The following VTA1 variants were observed in gnomAD, a reference collection of about 807,000 sequenced individuals.
VTA1 encodes the protein vesicle trafficking 1.
In VTA1, 24 loss-of-function variants were observed where a neutral mutation model predicts 36.9. That is an observed-to-expected ratio of 0.65 (90% CI 0.47 to 0.91). The LOEUF (loss-of-function observed/expected upper bound fraction) is 0.91. Among genes scored for constraint, VTA1 ranks in the 40% least tolerant of loss-of-function variants. VTA1 has a pLI of 0.00. For missense variants in VTA1, 393 were observed against 377.2 expected, an observed-to-expected ratio of 1.04 and a Z score of -0.35; for synonymous variants, 142 against 130.2, an observed-to-expected ratio of 1.09 and a Z score of -0.62.
chr6:142,150,130 A>T (rs1473429611), intron 1 of VTA1, among the ~76,000 whole-genome samples: 1 of 151,986 alleles, frequency 6.6e-6, no homozygotes, highest in Non-Finnish European at 1.5e-5. Flanking sequence ...GTTTCTTGTT[A>T]CTGATATTTT....
chr6:142,200,287 T>C (rs1464141488), intron 6 of VTA1, among the ~76,000 whole-genome samples: 2 of 152,168 alleles, frequency 1.3e-5, no homozygotes, highest in African/African-American at 4.8e-5. Flanking sequence ...CAGATTAGCC[T>C]CCTTTCCCTC....
intron 4 of VTA1, among the ~76,000 whole-genome samples, chr6:142,181,092 A>ATATATATATATATATATATATATATAT (rs1201647610): frequency 2.4e-5 from 1 of 41,910 alleles, no homozygotes. Flanking sequence ...AAAAAAAAAA[A>ATATATATATATATATATATATATATAT]AAATATATAT....
chr6:142,208,358 C>T (rs1206325566), intron 7 of VTA1, among the ~76,000 whole-genome samples: 1 of 151,728 alleles, frequency 6.6e-6, no homozygotes, highest in South Asian at 2.1e-4. Context: ...AATCAGTGAG[C>T]TCAAAGACCA....
rs10545343 is a variant in VTA1, at chr6:142,181,455, T to TTA, written c.412-7953_412-7952dup. Among the ~76,000 whole-genome samples the TTA allele has an allele frequency of 7.5e-3, 1,080 of 143,644 alleles. 10 individuals are homozygous for TTA. The highest frequency in any genetic ancestry group is 0.019 in the African/African-American group (744 of 39,638). The allele number at this position is 143,644 out of a possible 152,430, so 94.2% of individuals were successfully genotyped here. A position where few individuals can be genotyped will look rare whatever the true frequency, so the allele number is the denominator to read the frequency against. On this transcript the variant is annotated intron_variant, in intron 4 of 7. Transcript: ENST00000367630. ...GCCTGACACACACACTTTTTATATTTTATATATATATATATATATGTATAT... is the reference window on the plus strand; with the variant it reads ...GCCTGACACACACACTTTTTATATTTTATATATATATATATATATATGTATAT...
rs11967488 is a variant in VTA1, at chr6:142,184,376, C to T, written c.412-5050C>T. On this transcript the variant is annotated intron_variant, in intron 4 of 7. Transcript: ENST00000367630. ...CTCTAAAATGATAAGATTATAGAATCCCAAGAAAGAAGGATGAAGAAATAG... is the reference window on the plus strand; with the variant it reads ...CTCTAAAATGATAAGATTATAGAATTCCAAGAAAGAAGGATGAAGAAATAG... Among the ~76,000 whole-genome samples, 310 of 152,148 alleles carry T rather than the reference C, an allele frequency of 2.0e-3. 1 individual carries two copies. Among genetic ancestry groups the T allele is most frequent in the African/African-American group, 6.9e-3 (288 of 41,538 alleles).
At chr6:142,199,769 T>C (rs373465742) in intron 6 of VTA1, among the ~76,000 whole-genome samples, 10 of 152,302 alleles carry the variant, frequency 6.6e-5, no homozygotes, top group African/African-American at 2.4e-4. Flanking sequence ...GATCTTTTTT[T>C]GTGTCTTCAG....
chr6:142,150,749 C>G (rs1221803799), intron 1 of VTA1, among the ~76,000 whole-genome samples: 1 of 152,020 alleles, frequency 6.6e-6, no homozygotes, highest in Admixed American at 6.6e-5. Context: ...CCTGTCTGTA[C>G]TAAAAATACA....
intron 4 of VTA1, among the ~76,000 whole-genome samples, chr6:142,176,129 A>G (rs1157928476): frequency 1.3e-5 from 2 of 152,178 alleles, no homozygotes; most frequent in Non-Finnish European, 2.9e-5. Context: ...GGCCAATATT[A>G]TTGATAGGCT....
intron 4 of VTA1, among the ~76,000 whole-genome samples, chr6:142,188,207 C>T (rs1775382304): frequency 6.9e-6 from 1 of 145,746 alleles, no homozygotes; most frequent in Non-Finnish European, 1.5e-5. Context: ...CTGTGCCTAG[C>T]CCTCTATTTC....
intron 7 of VTA1, 89 bp from the exon 8 acceptor site, chr6:142,218,409 T>A: frequency 7.3e-7 from 1 of 1,361,956 alleles, no homozygotes; most frequent in Non-Finnish European, 1.0e-6. Context: ...CTTAAATATG[T>A]TTTTTAATCT....
At chr6:142,204,890 A>G (rs1259858767) in intron 7 of VTA1, among the ~76,000 whole-genome samples, 5 of 151,950 alleles carry the variant, frequency 3.3e-5, no homozygotes, top group Admixed American at 6.6e-5. Context: ...ACACCCAGCA[A>G]ATTTTTATAT....
chr6:142,220,140 A>G lies in VTA1; in HGVS notation c.*1497A>G, dbSNP rs1484147204. 2.0e-5 allele frequency: 3 copies of G among 152,224 alleles called. No homozygotes were observed. The highest frequency in any genetic ancestry group is 2.0e-4 in the Admixed American group (3 of 15,280). 9.4% of individuals were successfully genotyped at this position (152,224 alleles called of 1,614,324 possible). On this transcript the variant is annotated 3_prime_UTR_variant, in exon 8 of 8. Transcript: ENST00000367630. The stretch of plus-strand genomic sequence containing the variant: ...TCTAAATCCTCACAAAAAAGTCCCC[A>G]AACAACATGCCTCCTAAAAAACATT...
rs1776163284 is a variant in VTA1 at position 142,224,281 on chromosome 6, T to C, written c.*5638T>C. On this transcript the variant is annotated 3_prime_UTR_variant, in exon 8 of 8. Coordinates refer to ENST00000367630, the MANE Select transcript of VTA1 (RefSeq NM_016485.5). ...GCTTTAATTCATCCCATGGAATTGT[T>C]TTGTCTTTTCGACCCCTCGGCTATG... 1 of 152,214 alleles carries C rather than the reference T, an allele frequency of 6.6e-6. No individual in the cohort carries two copies. The highest frequency in any genetic ancestry group is 2.4e-5 in the African/African-American group (1 of 41,446). 9.4% of individuals were successfully genotyped at this position (152,214 alleles called of 1,614,324 possible). A position where few individuals can be genotyped will look rare whatever the true frequency, so the allele number is the denominator to read the frequency against.
At chr6:142,151,938 G>A (rs993117217) in intron 1 of VTA1, among the ~76,000 whole-genome samples, 2 of 152,232 alleles carry the variant, frequency 1.3e-5, no homozygotes, top group Non-Finnish European at 2.9e-5. Context: ...GGAGGCTGAG[G>A]CAGGAGAATT....
chr6:142,212,951 T>C (rs887801724), intron 7 of VTA1, among the ~76,000 whole-genome samples: 1 of 152,208 alleles, frequency 6.6e-6, no homozygotes, highest in South Asian at 2.1e-4. Flanking sequence ...ATTCTGTTCT[T>C]GGCCCCTCCC....
At chr6:142,175,244 C>T (rs1775097443) in intron 4 of VTA1, among the ~76,000 whole-genome samples, 1 of 151,962 alleles carries the variant, frequency 6.6e-6, no homozygotes, top group South Asian at 2.1e-4. Flanking sequence ...CATTGAAGAA[C>T]CTACAGGAAC....
intron 7 of VTA1, among the ~76,000 whole-genome samples, chr6:142,205,335 G>A (rs1425723577): frequency 1.3e-5 from 2 of 151,742 alleles, no homozygotes; most frequent in African/African-American, 4.8e-5. Context: ...ATTTCCTTCT[G>A]TGTTACTTTA....
intron 5 of VTA1, among the ~76,000 whole-genome samples, chr6:142,197,574 A>G (rs964660939): frequency 6.6e-6 from 1 of 152,208 alleles, no homozygotes; most frequent in Non-Finnish European, 1.5e-5. Flanking sequence ...TTCTTTCTGC[A>G]TAGCTAAATG....
chr6:142,178,257 G>A (rs1238036475), intron 4 of VTA1, among the ~76,000 whole-genome samples: 2 of 151,902 alleles, frequency 1.3e-5, no homozygotes, highest in East Asian at 1.9e-4. Context: ...TTAAAAAATT[G>A]GAGGCTGGAG....
Sources: allele counts gnomAD v4.1 joint callset (sites outside exome capture counted in the v4.1 genomes callset), GRCh38; gene constraint gnomAD v4.1.1; transcripts MANE v1.5; gene names NCBI Gene and HGNC (gene_info 2026-07-23, HGNC 2026-07-21).